Variants in CAMTA1 observed in about 807,000 individuals in gnomAD.
The protein encoded by CAMTA1 is calmodulin binding transcription activator 1, also known as calmodulin-binding transcription activator 1.
A neutral mutation model predicts 170.9 loss-of-function variants in CAMTA1; 27 were observed. The observed-to-expected ratio is 0.16, with a 90% confidence interval of 0.12 to 0.22. CAMTA1 has a LOEUF of 0.22. Among genes scored for constraint, CAMTA1 ranks in the 10% least tolerant of loss-of-function variants. The probability of loss-of-function intolerance (pLI) is 1.00; values close to 1 mark genes in which losing one functional copy is unlikely to be tolerated. For synonymous variants in CAMTA1, 833 were observed against 891.5 expected (o/e 0.93, Z 1.17); for missense variants, 1,619 against 2,217.2 (o/e 0.73, Z 5.42).
chr1:7,352,044 G>T (rs1416435574), intron 5 of CAMTA1, among the ~76,000 whole-genome samples: 2 of 151,754 alleles, frequency 1.3e-5, no homozygotes, highest in Non-Finnish European at 2.9e-5. Flanking sequence ...GTCCAGGATG[G>T]CCCAGACAAA....
At chr1:7,294,149 G>T (rs1414885071) in intron 5 of CAMTA1, among the ~76,000 whole-genome samples, 1 of 152,164 alleles carries the variant, frequency 6.6e-6, no homozygotes, top group Non-Finnish European at 1.5e-5. Context: ...CTCAAGCTGG[G>T]GCAGGGAGAG....
intron 5 of CAMTA1, among the ~76,000 whole-genome samples, chr1:7,287,069 G>A (rs1438783180): frequency 6.6e-6 from 1 of 152,192 alleles, no homozygotes; most frequent in Non-Finnish European, 1.5e-5. Context: ...GCTGCCTGGA[G>A]CAACTGCAAC....
At chr1:7,107,876 A>G (rs1405781366) in intron 4 of CAMTA1, among the ~76,000 whole-genome samples, 1 of 152,236 alleles carries the variant, frequency 6.6e-6, no homozygotes, top group Non-Finnish European at 1.5e-5. Context: ...TAATGGGACC[A>G]TAAATGGAAG....
At chr1:7,405,689 T>A (rs1196342977) in intron 5 of CAMTA1, among the ~76,000 whole-genome samples, 2 of 152,206 alleles carry the variant, frequency 1.3e-5, no homozygotes, top group East Asian at 3.9e-4. Context: ...AGCTTTGATC[T>A]TGAACATGTG....
At position 7,412,784 on chromosome 1, in the gene CAMTA1, C is replaced by T. The variant is rs867206780; in HGVS notation, c.439-55046C>T. On this transcript the variant is annotated intron_variant, in intron 5 of 22. Transcript: ENST00000303635. Reference sequence around the variant, plus strand: ...ATGAGATCCCATTTGTCAATTTTGGCTTTTGTTGCCATTGCTTTTGGTGTT... The same window carrying T: ...ATGAGATCCCATTTGTCAATTTTGGTTTTTGTTGCCATTGCTTTTGGTGTT... 5.9e-5 allele frequency among the ~76,000 whole-genome samples: 9 copies of T among 152,082 alleles called. No individual in the cohort carries two copies. In the South Asian group the frequency reaches 1.9e-3, roughly 32 times the overall value.
chr1:7,072,955 C>A (rs554708244), intron 3 of CAMTA1, among the ~76,000 whole-genome samples: 28 of 152,098 alleles, frequency 1.8e-4, no homozygotes, highest in African/African-American at 6.7e-4. Context: ...GTGAGATGGG[C>A]ACTCCTTTAA....
In CAMTA1 at chr1:7,680,327, C is replaced by T. The variant is rs1488655168; in HGVS notation, c.2914+2594C>T. Reference sequence around the variant, plus strand: ...GCGCTGGGCCGATTCTCCCTCCGCGCTGGCCAGGCCGTGGAGACGGGTTCG... The same window carrying T: ...GCGCTGGGCCGATTCTCCCTCCGCGTTGGCCAGGCCGTGGAGACGGGTTCG... On this transcript the variant is annotated intron_variant, in intron 11 of 22. Transcript: ENST00000303635. The surrounding 1 kb of genome is among the most constrained non-coding windows in gnomAD (Gnocchi z 4.4). 1 of 174,504 alleles carries T rather than the reference C, an allele frequency of 5.7e-6. No individual in the cohort carries two copies. The highest frequency in any genetic ancestry group is 1.3e-5 in the Non-Finnish European group (1 of 79,380). The allele number at this position is 174,504 out of a possible 1,614,324, so 10.8% of individuals were successfully genotyped here. A position where few individuals can be genotyped will look rare whatever the true frequency, so the allele number is the denominator to read the frequency against.
At position 7,245,697 on chromosome 1, in the gene CAMTA1, C is replaced by CCTCTGCA. The variant is rs1230834733; in HGVS notation, c.303-3792_303-3786dup. ...TTGTCCCCGTATTTTTCTTGACATG[C>CCTCTGCA]CTCTGCACGGCTGCAGTGGAGGTCT... On this transcript the variant is annotated intron_variant, in intron 4 of 22. Transcript: ENST00000303635. Among the ~76,000 whole-genome samples the CCTCTGCA allele has an allele frequency of 2.6e-5, 4 of 152,244 alleles. No homozygotes were observed. In the East Asian group the frequency reaches 7.7e-4, roughly 29 times the overall value.
intron 5 of CAMTA1, among the ~76,000 whole-genome samples, chr1:7,339,221 A>G (rs535548579): frequency 2.0e-5 from 3 of 152,288 alleles, no homozygotes; most frequent in African/African-American, 7.2e-5. Flanking sequence ...TGATTGTGCA[A>G]CTCCGTGAAT....
intron 6 of CAMTA1, among the ~76,000 whole-genome samples, chr1:7,613,320 C>A (rs1266383172): frequency 6.6e-6 from 1 of 152,208 alleles, no homozygotes; most frequent in Non-Finnish European, 1.5e-5. Context: ...GTGTGCCCAG[C>A]ACTGTGCTGA....
rs960330205 is a variant in CAMTA1, at chr1:7,453,084, T to G, written c.439-14746T>G. On this transcript the variant is annotated intron_variant, in intron 5 of 22. Coordinates refer to ENST00000303635, the MANE Select transcript of CAMTA1 (RefSeq NM_015215.4). ...AGCCCATGTGAGGCAGCAAAGCTGC[T>G]GCTGGGACAGGAGGACCCTAGGGGA... Among the ~76,000 whole-genome samples, 21 of 152,234 alleles carry G rather than the reference T, an allele frequency of 1.4e-4. 1 individual carries two copies.
At chr1:7,668,377 A>C (rs2096019425) in intron 9 of CAMTA1, among the ~76,000 whole-genome samples, 1 of 145,460 alleles carries the variant, frequency 6.9e-6, no homozygotes, top group African/African-American at 2.6e-5. Context: ...CTCCAGCTGC[A>C]GCTGGTCACC....
intron 3 of CAMTA1, among the ~76,000 whole-genome samples, chr1:6,880,632 C>T (rs147256499): frequency 0.014 from 2,164 of 152,224 alleles, 61 homozygotes; most frequent in African/African-American, 0.05. Flanking sequence ...TCAAGTGATC[C>T]GCCCGCCTTG....
At chr1:7,037,131 T>A (rs1480251493) in intron 3 of CAMTA1, among the ~76,000 whole-genome samples, 2 of 152,212 alleles carry the variant, frequency 1.3e-5, no homozygotes, top group Non-Finnish European at 2.9e-5. Flanking sequence ...ATTGAGTAGA[T>A]GATGGAAAGA....
intron 3 of CAMTA1, among the ~76,000 whole-genome samples, chr1:6,913,093 T>G (rs562285640): frequency 2.8e-4 from 43 of 152,390 alleles, no homozygotes; most frequent in Admixed American, 2.5e-3. Flanking sequence ...CCACTCTAAA[T>G]AAATTCCCTA....
intron 6 of CAMTA1, among the ~76,000 whole-genome samples, chr1:7,611,329 C>T (rs543998676): frequency 6.6e-6 from 1 of 152,320 alleles, no homozygotes; most frequent in South Asian, 2.1e-4. Flanking sequence ...ATCTCCGTTA[C>T]TGAGTTTTCT....
rs141012383 is a variant in CAMTA1, at chr1:7,634,088, G to T, written c.511-6312G>T. ...GTGTGGGCCTGATCTCAGTGCCAAG[G>T]AGCCGTCCGGAACAGCCCAACCACG... On this transcript the variant is annotated intron_variant, in intron 6 of 22. Transcript: ENST00000303635. This position sits in a 1 kb window ranked among gnomAD's most constrained non-coding sequence, Gnocchi z 6.2. Among the ~76,000 whole-genome samples the T allele has an allele frequency of 3.1e-3, 471 of 152,304 alleles. No homozygotes were observed. Among genetic ancestry groups the T allele is most frequent in the African/African-American group, 0.011 (440 of 41,568 alleles).
At chr1:6,895,920 A>G (rs1247245890) in intron 3 of CAMTA1, among the ~76,000 whole-genome samples, 4 of 152,028 alleles carry the variant, frequency 2.6e-5, no homozygotes, top group Admixed American at 6.6e-5. Flanking sequence ...TCCCCATCCT[A>G]TTAGCTCTTT....
At chr1:7,600,534 AG>A (rs1455814979) in intron 6 of CAMTA1, among the ~76,000 whole-genome samples, 1 of 145,726 alleles carries the variant, frequency 6.9e-6, no homozygotes, top group Non-Finnish European at 1.5e-5. Flanking sequence ...TTTCTCGCAG[AG>A]GGGGATTTGG....
Sources: allele counts gnomAD v4.1 joint callset (sites outside exome capture counted in the v4.1 genomes callset), GRCh38; gene constraint gnomAD v4.1.1; non-coding constraint Gnocchi (gnomAD v3.1); transcripts MANE v1.5; gene names NCBI Gene and HGNC (gene_info 2026-07-23, HGNC 2026-07-21).